Variants in ARHGAP20 observed in about 807,000 individuals in gnomAD.
ARHGAP20 encodes rho GTPase-activating protein 20.
ARHGAP20 carries 34 observed loss-of-function variants against 73.7 expected under a neutral mutation model. That is an observed-to-expected ratio of 0.46 (90% CI 0.35 to 0.61). ARHGAP20 has a LOEUF of 0.61. Among genes scored for constraint, ARHGAP20 ranks in the 20% least tolerant of loss-of-function variants. ARHGAP20 has a pLI of 0.00. For synonymous variants in ARHGAP20, 523 were observed against 518.2 expected, an observed-to-expected ratio of 1.01 and a Z score of -0.13; for missense variants, 1,314 against 1,420.9, an observed-to-expected ratio of 0.92 and a Z score of 1.21.
At chr11:110,630,919 A>C in intron 2 of ARHGAP20, 127 bp from the exon 3 acceptor site, 1 of 855,848 alleles carries the variant, frequency 1.2e-6, no homozygotes, top group Admixed American at 2.9e-5. Context: ...TCTATTCACC[A>C]CACAGTAGTC....
intron 9 of ARHGAP20, among the ~76,000 whole-genome samples, chr11:110,597,911 A>T (rs1948011385): frequency 6.6e-6 from 1 of 152,240 alleles, no homozygotes; most frequent in East Asian, 1.9e-4. Flanking sequence ...TAAATGTCAC[A>T]AAGGCTAATG....
chr11:110,681,646 A>G (rs966472405), intron 2 of ARHGAP20, among the ~76,000 whole-genome samples: 1 of 152,200 alleles, frequency 6.6e-6, no homozygotes, highest in Non-Finnish European at 1.5e-5. Context: ...TGATGCTAAC[A>G]TGACAGAGGA....
chr11:110,703,188 A>G (rs1950490325), intron 1 of ARHGAP20, among the ~76,000 whole-genome samples: 1 of 152,138 alleles, frequency 6.6e-6, no homozygotes, highest in South Asian at 2.1e-4. Context: ...TTAAACATTT[A>G]GCTAAAATAA....
At chr11:110,624,386 A>G in intron 3 of ARHGAP20, 75 bp from the exon 4 acceptor site, 3 of 1,263,416 alleles carry the variant, frequency 2.4e-6, no homozygotes, top group South Asian at 1.6e-5. Context: ...TCTGGAAGGC[A>G]TCATCCTCAG....
chr11:110,705,852 C>A (rs1950544200), intron 1 of ARHGAP20, among the ~76,000 whole-genome samples: 1 of 152,096 alleles, frequency 6.6e-6, no homozygotes, highest in Non-Finnish European at 1.5e-5. Flanking sequence ...GGAGAATACG[C>A]CAAGCTTTCC....
rs113656134 is a variant in ARHGAP20 at position 110,709,363 on chromosome 11, G to C, written c.105+2764C>G. Reference sequence around the variant, plus strand: ...CTAATATATAGCAGACACTATTCTAGGTGCTGGAGAGGCAGCCCTAAGCAA... The same window carrying C: ...CTAATATATAGCAGACACTATTCTACGTGCTGGAGAGGCAGCCCTAAGCAA... On this transcript the variant is annotated intron_variant, in intron 1 of 14. Transcript: ENST00000683387. Among the ~76,000 whole-genome samples the C allele has an allele frequency of 2.7e-3, 404 of 152,252 alleles. 1 individual carries two copies. The highest frequency in any genetic ancestry group is 9.4e-3 in the African/African-American group (389 of 41,538).
chr11:110,580,653 T>G lies in ARHGAP20; in HGVS notation c.2293A>C (p.Thr765Pro), dbSNP rs776912582. ...GTGGCATTTTTCTTGCTGACATCAG[T>G]GCCTGTGACTAAACTCTGTTTAAAA... ...TCFKQSLVTGTDVSKKNATTQ... is the reference protein window; with the variant it reads ...TCFKQSLVTGPDVSKKNATTQ... Residue 765 changes from threonine to proline, a missense_variant, in exon 15 of 15, where the codon ACT becomes CCT. Coordinates refer to ENST00000683387, the MANE Select transcript of ARHGAP20 (RefSeq NM_001384657.1). The G allele has an allele frequency of 3.1e-6, 5 of 1,614,238 alleles. No homozygotes were observed. The highest frequency in any genetic ancestry group is 3.3e-5 in the Admixed American group (2 of 60,028).
Position 110,582,291 on chromosome 11 carries a change from C to A in ARHGAP20, c.1720+30G>T. The A allele has an allele frequency of 1.9e-6, 3 of 1,542,520 alleles. No homozygotes were observed. The South Asian group carries it at 3.4e-5, about 17-fold the overall frequency. On this transcript the variant is annotated intron_variant, in intron 14 of 14. Transcript: ENST00000683387. The stretch of plus-strand genomic sequence containing the variant: ...TACAAACAACCATGTGTCTGTTTCT[C>A]ACAAAAACCAATCCAATTATTCACA...
rs1299153587 is a variant in ARHGAP20 at position 110,712,130 on chromosome 11, C to T, written c.102G>A (p.Lys34=). ...GGCCCCCGCTCAGCGTCCTCACCTTCTTGGTGCAGCTGCCTCCCGCGAGCC... is the reference window on the plus strand; with the variant it reads ...GGCCCCCGCTCAGCGTCCTCACCTTTTTGGTGCAGCTGCCTCCCGCGAGCC... The part of the protein sequence containing the change: ...VSRLAGGSCT[K]KKMKTLAERR... Residue 34 remains lysine, a synonymous_variant, in exon 1 of 15, where the codon AAG becomes AAA. Coordinates refer to ENST00000683387, the MANE Select transcript of ARHGAP20 (RefSeq NM_001384657.1). 1.8e-5 allele frequency: 25 copies of T among 1,351,932 alleles called. No individual in the cohort carries two copies. Among genetic ancestry groups the T allele is most frequent in the Admixed American group, 6.2e-5 (2 of 32,350 alleles). 83.7% of individuals were successfully genotyped at this position (1,351,932 alleles called of 1,614,324 possible). A position where few individuals can be genotyped will look rare whatever the true frequency, so the allele number is the denominator to read the frequency against.
chr11:110,595,791 T>C (rs1947942787), intron 9 of ARHGAP20, among the ~76,000 whole-genome samples: 2 of 152,110 alleles, frequency 1.3e-5, no homozygotes, highest in Admixed American at 1.3e-4. Flanking sequence ...TGGAAAAAAC[T>C]ACTTTAAAGT....
rs1232051399 is a variant in ARHGAP20 at position 110,577,867 on chromosome 11, C to T, written c.*1503G>A. The T allele has an allele frequency of 1.0e-6, 1 of 985,496 alleles. No homozygotes were observed. 61.0% of individuals were successfully genotyped at this position (985,496 alleles called of 1,614,324 possible). A position where few individuals can be genotyped will look rare whatever the true frequency, so the allele number is the denominator to read the frequency against. The stretch of plus-strand genomic sequence containing the variant: ...TTTCCCCTATAACTGAAAATGCAAC[C>T]TTTAGAACAAAAAAGAAAGAACATT... On this transcript the variant is annotated 3_prime_UTR_variant, in exon 15 of 15. Transcript: ENST00000683387.
intron 1 of ARHGAP20, among the ~76,000 whole-genome samples, chr11:110,691,470 A>T (rs1313839860): frequency 6.6e-6 from 1 of 152,132 alleles, no homozygotes; most frequent in East Asian, 1.9e-4. Flanking sequence ...CTCACCCTGT[A>T]TCCTCGCCAA....
intron 2 of ARHGAP20, among the ~76,000 whole-genome samples, chr11:110,638,947 A>G (rs1191901455): frequency 6.6e-6 from 1 of 152,072 alleles, no homozygotes; most frequent in African/African-American, 2.4e-5. Context: ...ACATGAATAC[A>G]TATGTAACTA....
At chr11:110,668,513 G>T (rs907411163) in intron 2 of ARHGAP20, among the ~76,000 whole-genome samples, 1 of 152,008 alleles carries the variant, frequency 6.6e-6, no homozygotes, top group Non-Finnish European at 1.5e-5. Context: ...GCTTGGCATG[G>T]TGGCACACAC....
intron 1 of ARHGAP20, among the ~76,000 whole-genome samples, chr11:110,703,128 G>A (rs956742282): frequency 1.3e-5 from 2 of 152,042 alleles, no homozygotes; most frequent in Non-Finnish European, 2.9e-5. Context: ...TTTGGTCTGT[G>A]ATAAATATGA....
At position 110,610,554 on chromosome 11, in the gene ARHGAP20, T is replaced by C. The variant is rs142953111; in HGVS notation, c.708+755A>G. On this transcript the variant is annotated intron_variant, in intron 7 of 14. Coordinates refer to ENST00000683387, the MANE Select transcript of ARHGAP20 (RefSeq NM_001384657.1). ...TGAAAGTCATTCCCTTTAATGAAAG[T>C]ACTCATTGTGTGGTGTTTATACAAC... is the stretch of plus-strand genomic sequence containing the variant. Among the ~76,000 whole-genome samples the C allele has an allele frequency of 3.3e-5, 5 of 152,286 alleles. No homozygotes were observed. In the East Asian group the frequency reaches 9.6e-4, roughly 29 times the overall value.
intron 1 of ARHGAP20, among the ~76,000 whole-genome samples, chr11:110,702,819 A>G (rs1950480826): frequency 6.6e-6 from 1 of 152,278 alleles, no homozygotes; most frequent in South Asian, 2.1e-4. Context: ...TAGGAATCCA[A>G]CTTATGAGGA....
intron 2 of ARHGAP20, among the ~76,000 whole-genome samples, chr11:110,657,130 T>C (rs563758584): frequency 6.6e-6 from 1 of 152,316 alleles, no homozygotes; most frequent in African/African-American, 2.4e-5. Flanking sequence ...GAAATGATGG[T>C]CTCTTGAGGA....
intron 2 of ARHGAP20, among the ~76,000 whole-genome samples, chr11:110,662,267 T>C (rs1384162625): frequency 3.3e-5 from 5 of 151,924 alleles, no homozygotes; most frequent in African/African-American, 1.2e-4. Context: ...ATACATCTTG[T>C]TTTAATAGAT....
Sources: gnomAD v4.1 joint callset for allele counts (sites outside exome capture counted in the v4.1 genomes callset) on GRCh38, gnomAD v4.1.1 for gene constraint, MANE v1.5 for transcripts, NCBI Gene and HGNC (gene_info 2026-07-23, HGNC 2026-07-21) for gene names.